Variants in CTNND2 observed in about 807,000 individuals in gnomAD.
The protein encoded by CTNND2 is catenin delta 2.
A neutral mutation model predicts 144.4 loss-of-function variants in CTNND2; 22 were observed. The ratio of observed to expected loss-of-function variants is 0.15; its 90% CI spans 0.11 to 0.22. The LOEUF (loss-of-function observed/expected upper bound fraction) is 0.22. CTNND2 is among the 10% of genes least tolerant of loss of function. The pLI is 1.00. For missense variants in CTNND2, 1,353 were observed against 1,618.8 expected, an observed-to-expected ratio of 0.84 and a Z score of 2.82; for synonymous variants, 751 against 695.6, an observed-to-expected ratio of 1.08 and a Z score of -1.25.
intron 2 of CTNND2, among the ~76,000 whole-genome samples, chr5:11,654,634 G>A (rs1782817459): frequency 6.7e-6 from 1 of 150,012 alleles, no homozygotes; most frequent in Admixed American, 6.6e-5. Flanking sequence ...TTCTTTTGGT[G>A]GCATTTTTTG....
chr5:11,734,575 A>G (rs1427530752), intron 1 of CTNND2, among the ~76,000 whole-genome samples: 1 of 152,196 alleles, frequency 6.6e-6, no homozygotes, highest in East Asian at 1.9e-4. Context: ...CATCTCAATA[A>G]AAGACTGAGA....
chr5:11,116,161 C>G (rs924703950), intron 13 of CTNND2, among the ~76,000 whole-genome samples: 9 of 152,194 alleles, frequency 5.9e-5, no homozygotes, highest in African/African-American at 2.2e-4. Flanking sequence ...GATGTATTTA[C>G]ATGAACACTC....
intron 9 of CTNND2, among the ~76,000 whole-genome samples, chr5:11,341,761 C>A (rs949530939): frequency 6.6e-6 from 1 of 152,066 alleles, no homozygotes; most frequent in Non-Finnish European, 1.5e-5. Flanking sequence ...CAACTCCAAC[C>A]CTATGGGAGG....
At chr5:11,547,120 T>C (rs1162520187) in intron 3 of CTNND2, among the ~76,000 whole-genome samples, 1 of 151,732 alleles carries the variant, frequency 6.6e-6, no homozygotes, top group Non-Finnish European at 1.5e-5. Context: ...AATACAAAAA[T>C]TAGCGGGCAT....
intron 3 of CTNND2, among the ~76,000 whole-genome samples, chr5:11,441,711 G>A (rs1764280718): frequency 7.0e-6 from 1 of 143,322 alleles, no homozygotes; most frequent in Admixed American, 7.6e-5. Flanking sequence ...ATCCAATATA[G>A]GATTAATACC....
At chr5:11,705,271 A>G (rs1785639327) in intron 2 of CTNND2, among the ~76,000 whole-genome samples, 1 of 152,216 alleles carries the variant, frequency 6.6e-6, no homozygotes, top group Non-Finnish European at 1.5e-5. Flanking sequence ...GAGAAACAGA[A>G]TGTGTCTGAG....
intron 1 of CTNND2, among the ~76,000 whole-genome samples, chr5:11,753,321 G>T (rs1788728983): frequency 2.0e-5 from 3 of 151,666 alleles, no homozygotes; most frequent in African/African-American, 4.8e-5. Context: ...TGTTATAGAT[G>T]GCTCTTATTA....
At chr5:11,810,543 TA>T (rs1159083722) in intron 1 of CTNND2, among the ~76,000 whole-genome samples, 6 of 152,228 alleles carry the variant, frequency 3.9e-5, no homozygotes, top group African/African-American at 1.4e-4. Context: ...TGTTAATTTC[TA>T]AATTAAAAAT....
At chr5:11,007,960 T>C (rs1378765481) in intron 18 of CTNND2, among the ~76,000 whole-genome samples, 1 of 152,182 alleles carries the variant, frequency 6.6e-6, no homozygotes, top group Non-Finnish European at 1.5e-5. Flanking sequence ...CATTCTTGTC[T>C]CTAAAAGAAA....
chr5:11,489,198 C>G (rs1305852811), intron 3 of CTNND2, among the ~76,000 whole-genome samples: 1 of 152,284 alleles, frequency 6.6e-6, no homozygotes, highest in East Asian at 1.9e-4. Context: ...GCTCCACATT[C>G]TCTCCAGAAC....
At chr5:11,021,805 A>G (rs1742283427) in intron 17 of CTNND2, among the ~76,000 whole-genome samples, 1 of 152,052 alleles carries the variant, frequency 6.6e-6, no homozygotes, top group South Asian at 2.1e-4. Flanking sequence ...ATTTACATGT[A>G]AAAGAATGGG....
Position 11,430,003 on chromosome 5 carries a change from G to A in CTNND2, c.288-17934C>T, listed in dbSNP as rs532021147. Among the ~76,000 whole-genome samples, 24 of 152,160 alleles carry A rather than the reference G, an allele frequency of 1.6e-4. No individual in the cohort carries two copies. In the East Asian group the frequency reaches 4.4e-3, roughly 28 times the overall value. On this transcript the variant is annotated intron_variant, in intron 3 of 21. Coordinates refer to ENST00000304623, the MANE Select transcript of CTNND2 (RefSeq NM_001332.4). ...GCAGTGGCTCATGCCTGTAATCCCA[G>A]CCTTTTGGGAGGCCGAGGTGGGTGG...
At chr5:11,162,105 A>G (rs61751855) in intron 11 of CTNND2, among the ~76,000 whole-genome samples, 10,777 of 151,688 alleles carry the variant, frequency 0.071, 677 homozygotes, top group East Asian at 0.32. Context: ...GTGAGCTGAG[A>G]TCGTGCCACT....
intron 1 of CTNND2, among the ~76,000 whole-genome samples, chr5:11,899,365 A>G (rs1027544290): frequency 6.6e-6 from 1 of 152,210 alleles, no homozygotes; most frequent in African/African-American, 2.4e-5. Flanking sequence ...AAGAATATCA[A>G]AGTTTTGTAA....
chr5:11,732,311 T>C (rs756029275), intron 1 of CTNND2, 39 bp from the exon 2 acceptor site: 2 of 1,595,084 alleles, frequency 1.3e-6, no homozygotes, highest in South Asian at 2.2e-5. Context: ...AATCAGATGT[T>C]GACACTAAAC....
chr5:11,843,089 A>G (rs1171542469), intron 1 of CTNND2, among the ~76,000 whole-genome samples: 1 of 152,222 alleles, frequency 6.6e-6, no homozygotes, highest in Non-Finnish European at 1.5e-5. Context: ...CAATGCCCAG[A>G]AGGGAATGTC....
At chr5:11,674,077 T>C (rs1389567752) in intron 2 of CTNND2, among the ~76,000 whole-genome samples, 2 of 152,204 alleles carry the variant, frequency 1.3e-5, no homozygotes, top group Non-Finnish European at 2.9e-5. Flanking sequence ...GTAAATGTAG[T>C]GAGTTTTTTA....
chr5:11,018,612 C>T (rs1580054907), intron 17 of CTNND2, among the ~76,000 whole-genome samples: 1 of 151,812 alleles, frequency 6.6e-6, no homozygotes, highest in East Asian at 1.9e-4. Flanking sequence ...AGGCTTATTG[C>T]TGATATGGAG....
In CTNND2 at chr5:11,565,006, G is replaced by A. The variant is rs767811043; in HGVS notation, c.225C>T (p.Ile75=). 10 of 1,613,982 alleles carry A rather than the reference G, an allele frequency of 6.2e-6. No individual in the cohort carries two copies. The highest frequency in any genetic ancestry group is 8.5e-6 in the Non-Finnish European group (10 of 1,179,976). The change falls in exon 3 of 22, where the codon ATC becomes ATT. Residue 75 remains isoleucine, a synonymous_variant. Coordinates refer to ENST00000304623, the MANE Select transcript of CTNND2 (RefSeq NM_001332.4). ...LTRELEAERQ[I]VASQLERCKL... ...TGCATCGCTCCAGCTGGCTGGCTAC[G>A]ATCTGCCGTTCAGCCTCCAGCTCTC...
Sources: allele counts gnomAD v4.1 joint callset (sites outside exome capture counted in the v4.1 genomes callset), GRCh38; gene constraint gnomAD v4.1.1; transcripts MANE v1.5; gene names NCBI Gene and HGNC (gene_info 2026-07-23, HGNC 2026-07-21).